The following RARB variants were observed in gnomAD, a reference collection of about 807,000 sequenced individuals.
The protein encoded by RARB is retinoic acid receptor beta, also known as HBV-activated protein.
A neutral mutation model predicts 51.9 loss-of-function variants in RARB; 17 were observed. The ratio of observed to expected loss-of-function variants is 0.33; its 90% CI spans 0.22 to 0.49. The LOEUF is 0.49. Ranked by LOEUF, RARB falls within the 20% of genes least tolerant of loss-of-function variation. The pLI is 0.99. For missense variants in RARB, 369 were observed against 550.8 expected (o/e 0.67, Z 3.30); for synonymous variants, 215 against 195.4 (o/e 1.10, Z -0.84).
intron 5 of RARB, among the ~76,000 whole-genome samples, chr3:25,219,398 G>T (rs113752451): frequency 6.6e-6 from 1 of 152,144 alleles, no homozygotes; most frequent in Non-Finnish European, 1.5e-5. Context: ...GAATAACTAC[G>T]TAATGGCTCT....
intron 3 of RARB, among the ~76,000 whole-genome samples, chr3:25,081,426 G>A (rs62228548): frequency 0.12 from 17,387 of 149,632 alleles, 1,393 homozygotes; most frequent in African/African-American, 0.21. Context: ...ATATCATTTG[G>A]ATCAAATTGA....
chr3:25,334,204 T>A (rs989197074), intron 5 of RARB, among the ~76,000 whole-genome samples: 7 of 152,238 alleles, frequency 4.6e-5, no homozygotes, highest in Non-Finnish European at 8.8e-5. Flanking sequence ...TTATAAATCA[T>A]GCTGCTATAA....
intron 2 of RARB, among the ~76,000 whole-genome samples, chr3:24,865,509 G>C (rs7619053): frequency 6.6e-6 from 1 of 152,092 alleles, no homozygotes; most frequent in Non-Finnish European, 1.5e-5. Context: ...TCATGTAACA[G>C]GAAGGCTGTG....
chr3:25,519,768 A>G (rs749369791), intron 3 of RARB, among the ~76,000 whole-genome samples: 1 of 152,214 alleles, frequency 6.6e-6, no homozygotes, highest in Admixed American at 6.5e-5. Context: ...AACTCAGATT[A>G]TTCTGAGATA....
At chr3:25,581,698 T>G (rs566402542) in intron 5 of RARB, among the ~76,000 whole-genome samples, 1 of 152,036 alleles carries the variant, frequency 6.6e-6, no homozygotes, top group South Asian at 2.1e-4. Context: ...GGCGATTAGG[T>G]TTAGGTGAGG....
intron 3 of RARB, among the ~76,000 whole-genome samples, chr3:25,117,509 C>G (rs1699707959): frequency 6.6e-6 from 1 of 152,110 alleles, no homozygotes; most frequent in Non-Finnish European, 1.5e-5. Flanking sequence ...TAAACAATAT[C>G]CAAAGGCCAA....
At chr3:25,150,218 G>T (rs1396860337) in intron 4 of RARB, among the ~76,000 whole-genome samples, 1 of 150,996 alleles carries the variant, frequency 6.6e-6, no homozygotes, top group African/African-American at 2.4e-5. Flanking sequence ...AAAAAAAATT[G>T]TTAAACATCT....
At chr3:24,987,925 G>C (rs1050793043) in intron 2 of RARB, among the ~76,000 whole-genome samples, 1 of 151,502 alleles carries the variant, frequency 6.6e-6, no homozygotes, top group African/African-American at 2.4e-5. Context: ...ATAAATCTTG[G>C]CTTCTCTTCT....
chr3:25,334,844 C>T (rs908764453), intron 5 of RARB, among the ~76,000 whole-genome samples: 1 of 152,116 alleles, frequency 6.6e-6, no homozygotes, highest in Admixed American at 6.6e-5. Context: ...ATATTACTTT[C>T]ACAAAGAAAT....
chr3:25,200,949 T>C (rs1701374656), intron 5 of RARB, among the ~76,000 whole-genome samples: 1 of 152,110 alleles, frequency 6.6e-6, no homozygotes, highest in Non-Finnish European at 1.5e-5. Context: ...CCATATGAAG[T>C]GTAAAGTAGT....
intron 5 of RARB, among the ~76,000 whole-genome samples, chr3:25,382,065 G>A (rs145272758): frequency 1.3e-5 from 2 of 152,282 alleles, no homozygotes; most frequent in African/African-American, 2.4e-5. Context: ...AGGAACATTA[G>A]CATCATATCA....
intron 2 of RARB, among the ~76,000 whole-genome samples, chr3:24,996,211 T>C (rs923763593): frequency 2.6e-5 from 4 of 152,156 alleles, no homozygotes; most frequent in East Asian, 1.9e-4. Context: ...CAGAAACTTA[T>C]TTATTTCCTC....
chr3:24,879,716 G>T (rs11711711), intron 2 of RARB, among the ~76,000 whole-genome samples: 6 of 151,952 alleles, frequency 3.9e-5, no homozygotes, highest in Non-Finnish European at 5.9e-5. Context: ...GATCACCGTG[G>T]CAGAAGTTAA....
chr3:25,419,232 G>C (rs1707792503), intron 5 of RARB, among the ~76,000 whole-genome samples: 1 of 152,150 alleles, frequency 6.6e-6, no homozygotes, highest in South Asian at 2.1e-4. Context: ...GGGCATCTCT[G>C]ACATGAGGGT....
At chr3:25,157,181 A>G (rs1700388478) in intron 4 of RARB, among the ~76,000 whole-genome samples, 1 of 152,178 alleles carries the variant, frequency 6.6e-6, no homozygotes, top group Non-Finnish European at 1.5e-5. Flanking sequence ...TATGGGAAAA[A>G]GTGTTTTGTT....
chr3:25,228,904 G>A (rs911355112), intron 5 of RARB, among the ~76,000 whole-genome samples: 6 of 152,088 alleles, frequency 3.9e-5, no homozygotes, highest in Non-Finnish European at 5.9e-5. Flanking sequence ...TCTTCACCAA[G>A]TTGCAATTTG....
chr3:24,975,792 T>G (rs1696498443), intron 2 of RARB, among the ~76,000 whole-genome samples: 1 of 152,138 alleles, frequency 6.6e-6, no homozygotes, highest in Non-Finnish European at 1.5e-5. Flanking sequence ...TATTATACAT[T>G]AAGTTCTAGG....
chr3:25,454,665 C>T (rs184483233), intron 1 of RARB, among the ~76,000 whole-genome samples: 47 of 150,546 alleles, frequency 3.1e-4, no homozygotes, highest in African/African-American at 1.1e-3. Context: ...TTTAGCCAGC[C>T]GTAAATTAGC....
At chr3:25,579,268 G>A (rs1165811332) in intron 4 of RARB, among the ~76,000 whole-genome samples, 1 of 152,148 alleles carries the variant, frequency 6.6e-6, no homozygotes, top group Non-Finnish European at 1.5e-5. Flanking sequence ...GGTATAGTTT[G>A]ATGAGTGTGA....
Sources: gnomAD v4.1 joint callset for allele counts (sites outside exome capture counted in the v4.1 genomes callset) on GRCh38, gnomAD v4.1.1 for gene constraint, MANE v1.5 for transcripts, NCBI Gene and HGNC (gene_info 2026-07-23, HGNC 2026-07-21) for gene names.